The following GALNT13 variants were observed in gnomAD, a reference collection of about 807,000 sequenced individuals.
GALNT13 encodes polypeptide N-acetylgalactosaminyltransferase 13.
A neutral mutation model predicts 64.2 loss-of-function variants in GALNT13; 28 were observed. The observed-to-expected ratio is 0.44, with a 90% CI of 0.32 to 0.60. The LOEUF is 0.60. Among genes scored for constraint, GALNT13 ranks in the 20% least tolerant of loss-of-function variants. GALNT13 has a pLI of 0.05. For missense variants in GALNT13, 577 were observed against 669.8 expected (o/e 0.86, Z 1.53); for synonymous variants, 214 against 224.6 (o/e 0.95, Z 0.42).
chr2:153,320,697 T>C, the GALNT13 span, among the ~76,000 whole-genome samples: 1 of 152,210 alleles, frequency 6.6e-6, no homozygotes, highest in Non-Finnish European at 1.5e-5. Flanking sequence ...TAAAATTCGC[T>C]GAAGTGAGAT....
At chr2:154,438,797 T>G (rs1701129293) in intron 12 of GALNT13, 71 bp downstream of exon 12, 2 of 1,262,872 alleles carry the variant, frequency 1.6e-6, no homozygotes, top group African/African-American at 3.0e-5. Flanking sequence ...ATTCAACATT[T>G]AAATCTTAAG....
At chr2:153,248,220 G>T in the GALNT13 span, among the ~76,000 whole-genome samples, 1 of 152,132 alleles carries the variant, frequency 6.6e-6, no homozygotes, top group Non-Finnish European at 1.5e-5. Flanking sequence ...CATGAGGCCA[G>T]CATCATCTTG....
At chr2:153,792,894 A>G in the GALNT13 span, among the ~76,000 whole-genome samples, 1 of 152,132 alleles carries the variant, frequency 6.6e-6, no homozygotes, top group South Asian at 2.1e-4. Context: ...CATGCTTCCT[A>G]ACAGAAACAT....
chr2:153,944,018 A>T (rs1038191382), intron 2 of GALNT13, among the ~76,000 whole-genome samples: 16 of 152,206 alleles, frequency 1.1e-4, no homozygotes, highest in African/African-American at 3.9e-4. Flanking sequence ...GTATCCCAGG[A>T]TGATTTCTAT....
the GALNT13 span, among the ~76,000 whole-genome samples, chr2:153,586,717 A>G: frequency 6.6e-5 from 10 of 152,026 alleles, no homozygotes; most frequent in African/African-American, 2.4e-4. Flanking sequence ...CTACCCAACA[A>G]CTACAGAATA....
chr2:153,309,239 ACT>A, the GALNT13 span, among the ~76,000 whole-genome samples: 4 of 152,116 alleles, frequency 2.6e-5, no homozygotes, highest in Admixed American at 2.0e-4. Context: ...TGCTTCTAAG[ACT>A]CTGAGTAGGA....
the GALNT13 span, among the ~76,000 whole-genome samples, chr2:153,252,806 G>T: frequency 1.7e-3 from 256 of 152,214 alleles, 2 homozygotes; most frequent in African/African-American, 5.8e-3. Context: ...ATTTCTGAGG[G>T]CTCTGTTCTG....
At chr2:153,998,815 A>C (rs1265953204) in intron 3 of GALNT13, among the ~76,000 whole-genome samples, 1 of 152,002 alleles carries the variant, frequency 6.6e-6, no homozygotes, top group African/African-American at 2.4e-5. Flanking sequence ...TTAATTTTTT[A>C]TAAGGTGTGA....
At chr2:153,813,055 AT>A in the GALNT13 span, among the ~76,000 whole-genome samples, 1 of 152,132 alleles carries the variant, frequency 6.6e-6, no homozygotes, top group Non-Finnish European at 1.5e-5. Context: ...TTTCTTATCA[AT>A]TTTAATAAAA....
At chr2:153,446,150 G>C in the GALNT13 span, among the ~76,000 whole-genome samples, 1 of 152,160 alleles carries the variant, frequency 6.6e-6, no homozygotes, top group Non-Finnish European at 1.5e-5. Context: ...ATTGAGAGCA[G>C]AAGATTGTAG....
At chr2:153,209,078 C>T in the GALNT13 span, among the ~76,000 whole-genome samples, 9 of 146,262 alleles carry the variant, frequency 6.2e-5, no homozygotes, top group Admixed American at 2.8e-4. Flanking sequence ...TCCCGGTTCA[C>T]GCCATTCTCC....
the GALNT13 span, among the ~76,000 whole-genome samples, chr2:153,409,161 G>A: frequency 6.6e-6 from 1 of 151,986 alleles, no homozygotes; most frequent in East Asian, 1.9e-4. Flanking sequence ...TTGAGGTGTT[G>A]GGACTCGGAC....
intron 8 of GALNT13, among the ~76,000 whole-genome samples, chr2:154,269,058 A>G (rs958683382): frequency 1.6e-4 from 25 of 152,142 alleles, no homozygotes; most frequent in African/African-American, 5.5e-4. Flanking sequence ...AAATCCATGT[A>G]TTTCCAATTT....
intron 3 of GALNT13, among the ~76,000 whole-genome samples, chr2:153,959,046 G>A (rs988698126): frequency 2.0e-5 from 3 of 152,234 alleles, no homozygotes; most frequent in African/African-American, 7.2e-5. Flanking sequence ...GAAGGGACTT[G>A]CAGCTGGCTG....
the GALNT13 span, among the ~76,000 whole-genome samples, chr2:153,809,978 T>C: frequency 6.6e-6 from 1 of 152,146 alleles, no homozygotes; most frequent in East Asian, 1.9e-4. Flanking sequence ...TTTGTTTTGT[T>C]TTGAGACAGA....
chr2:153,720,169 C>T, the GALNT13 span, among the ~76,000 whole-genome samples: 1 of 146,294 alleles, frequency 6.8e-6, no homozygotes, highest in Non-Finnish European at 1.5e-5. Context: ...CCCCGAGCAG[C>T]CTAACTGGGA....
chr2:153,618,406 T>C, the GALNT13 span, among the ~76,000 whole-genome samples: 1 of 152,028 alleles, frequency 6.6e-6, no homozygotes, highest in Non-Finnish European at 1.5e-5. Context: ...TATTTCCTTT[T>C]TTTTAATGTA....
At chr2:154,415,792 G>T (rs986627011) in intron 11 of GALNT13, among the ~76,000 whole-genome samples, 35 of 152,148 alleles carry the variant, frequency 2.3e-4, no homozygotes, top group African/African-American at 8.4e-4. Context: ...ACATTCAACA[G>T]ATATATATTC....
chr2:154,230,543 T>C (rs771097241), intron 4 of GALNT13, among the ~76,000 whole-genome samples: 1 of 152,124 alleles, frequency 6.6e-6, no homozygotes, highest in Non-Finnish European at 1.5e-5. Flanking sequence ...GCTTGCATAA[T>C]ACTGTAGGTT....
Sources: gnomAD v4.1 joint callset for allele counts (sites outside exome capture counted in the v4.1 genomes callset) on GRCh38, gnomAD v4.1.1 for gene constraint, MANE v1.5 for transcripts, NCBI Gene and HGNC (gene_info 2026-07-23, HGNC 2026-07-21) for gene names.